Variants in PACS2 observed in about 807,000 individuals in gnomAD.
The protein encoded by PACS2 is PACS1-like protein.
Under a neutral mutation model 113.0 loss-of-function variants are expected in PACS2, and 36 were observed. The ratio of observed to expected loss-of-function variants is 0.32; its 90% confidence interval spans 0.24 to 0.42. The LOEUF (loss-of-function observed/expected upper bound fraction) is 0.42, where lower values mean the gene tolerates loss of function less well. Among genes scored for constraint, PACS2 ranks in the 10% least tolerant of loss-of-function variants. The probability of loss-of-function intolerance (pLI) is 1.00; values close to 1 mark genes in which losing one functional copy is unlikely to be tolerated. For synonymous variants in PACS2, 589 were observed against 536.1 expected (o/e 1.10, Z -1.36); for missense variants, 1,015 against 1,239.5 (o/e 0.82, Z 2.72).
intron 9 of PACS2, among the ~76,000 whole-genome samples, chr14:105,377,299 C>G (rs1453246577): frequency 1.3e-5 from 2 of 152,064 alleles, no homozygotes; most frequent in Admixed American, 6.5e-5. Flanking sequence ...GGGAGTAGAG[C>G]TCCCATGCTG....
intron 2 of PACS2, among the ~76,000 whole-genome samples, chr14:105,350,163 G>T (rs1194771898): frequency 6.6e-6 from 1 of 152,130 alleles, no homozygotes; most frequent in Non-Finnish European, 1.5e-5. Context: ...CTGGCTGCGG[G>T]TCGTCCCTGG....
At chr14:105,320,717 C>G (rs938871399) in intron 1 of PACS2, among the ~76,000 whole-genome samples, 3 of 152,334 alleles carry the variant, frequency 2.0e-5, no homozygotes, top group Non-Finnish European at 2.9e-5. Context: ...TGCTTCCTTT[C>G]TTCTGTAGTC....
chr14:105,302,828 G>A (rs1387568495), intron 1 of PACS2, among the ~76,000 whole-genome samples: 1 of 151,196 alleles, frequency 6.6e-6, no homozygotes, highest in Non-Finnish European at 1.5e-5. Flanking sequence ...TGAGCCACCC[G>A]CCTTGTCTTC....
chr14:105,363,995 C>G (rs1438706342), intron 4 of PACS2, among the ~76,000 whole-genome samples: 3 of 152,152 alleles, frequency 2.0e-5, no homozygotes, highest in East Asian at 3.9e-4. Context: ...TGATTAAGTT[C>G]ACTGTCTTAC....
chr14:105,367,468 G>A, intron 5 of PACS2, 93 bp downstream of exon 5: 1 of 1,317,070 alleles, frequency 7.6e-7, no homozygotes, highest in Non-Finnish European at 1.1e-6. Flanking sequence ...GTCCAGCCTG[G>A]CTTAAGGAGT....
At position 105,323,941 on chromosome 14, in the gene PACS2, C is replaced by T. The variant is rs587709968; in HGVS notation, c.119+8904C>T. 1.4e-4 allele frequency among the ~76,000 whole-genome samples: 21 copies of T among 152,362 alleles called. No individual in the cohort carries two copies. Among genetic ancestry groups the T allele is most frequent in the Admixed American group, 1.0e-3 (16 of 15,312 alleles). On this transcript the variant is annotated intron_variant, in intron 1 of 24. Transcript: ENST00000447393. This position sits in a 1 kb window ranked among gnomAD's most constrained non-coding sequence, Gnocchi z 4.1. ...CGGTGCGTGCACACCGCTCTGTCCGCGCAGGCTGTGCCCTGCTTTCAAGAT... is the reference window on the plus strand; with the variant it reads ...CGGTGCGTGCACACCGCTCTGTCCGTGCAGGCTGTGCCCTGCTTTCAAGAT...
chr14:105,359,827 G>A (rs1162842150), intron 4 of PACS2, among the ~76,000 whole-genome samples: 2 of 152,080 alleles, frequency 1.3e-5, no homozygotes, highest in African/African-American at 4.8e-5. Flanking sequence ...TCCTGACCTC[G>A]CGATCCGCCC....
At chr14:105,350,207 A>G (rs1429630134) in intron 2 of PACS2, among the ~76,000 whole-genome samples, 1 of 152,030 alleles carries the variant, frequency 6.6e-6, no homozygotes, top group Admixed American at 6.5e-5. Flanking sequence ...CATTGCCACC[A>G]GGCCGTGAGG....
intron 2 of PACS2, 27 bp from the exon 3 acceptor site, chr14:105,352,351 G>A (rs782385700): frequency 6.7e-7 from 1 of 1,486,260 alleles, no homozygotes; most frequent in South Asian, 1.1e-5. Context: ...AGTCCTTTGA[G>A]CTAGAACAGG....
chr14:105,368,634 G>A (rs756130055), intron 7 of PACS2, 95 bp downstream of exon 7: 257 of 924,510 alleles, frequency 2.8e-4, no homozygotes, highest in Non-Finnish European at 4.2e-4. Context: ...CGTGGGAAGT[G>A]AGATCTCACC....
intron 20 of PACS2, chr14:105,390,995 G>C (rs374740742): frequency 3.4e-6 from 2 of 596,910 alleles, no homozygotes; most frequent in South Asian, 4.0e-5. Flanking sequence ...CTGAGGCCAC[G>C]CACCCTGAGC....
chr14:105,351,230 C>T (rs782587699), intron 2 of PACS2, among the ~76,000 whole-genome samples: 17 of 152,216 alleles, frequency 1.1e-4, no homozygotes, highest in Non-Finnish European at 2.2e-4. Context: ...TTGGGATGGT[C>T]CCATTTAAAA....
rs916066061 is a variant in PACS2, at chr14:105,382,282, C to T, written c.1414-195C>T. On this transcript the variant is annotated intron_variant, in intron 13 of 24. Coordinates refer to ENST00000447393, the MANE Select transcript of PACS2 (RefSeq NM_001100913.3). ...GGGCAAGTTCTAGTCCTTCTGCTGC[C>T]CTCCCTGGTCCAGGGCAGCCTCATT... Among the ~76,000 whole-genome samples the T allele has an allele frequency of 6.6e-5, 10 of 152,234 alleles. No individual in the cohort carries two copies. In the South Asian group the frequency reaches 1.0e-3, roughly 16 times the overall value.
chr14:105,358,393 A>G lies in PACS2; in HGVS notation c.423+3216A>G, dbSNP rs2060537004. Reference sequence around the variant, plus strand: ...GAGCTGACTGCAGGTGGTCCCTCTCAGAGGCAGCTCCGCAGAGGCAGGTGT... The same window carrying G: ...GAGCTGACTGCAGGTGGTCCCTCTCGGAGGCAGCTCCGCAGAGGCAGGTGT... On this transcript the variant is annotated intron_variant, in intron 4 of 24. Coordinates refer to ENST00000447393, the MANE Select transcript of PACS2 (RefSeq NM_001100913.3). The surrounding 1 kb of genome is among the most constrained non-coding windows in gnomAD (Gnocchi z 4.9). Among the ~76,000 whole-genome samples, 1 of 152,230 alleles carries G rather than the reference A, an allele frequency of 6.6e-6. No homozygotes were observed. The highest frequency in any genetic ancestry group is 1.5e-5 in the Non-Finnish European group (1 of 68,036).
intron 2 of PACS2, among the ~76,000 whole-genome samples, chr14:105,350,587 A>C (rs1260812053): frequency 6.6e-6 from 1 of 151,354 alleles, no homozygotes; most frequent in Admixed American, 6.6e-5. Context: ...CCAGCTCCTC[A>C]TCTGCTTCTC....
rs587767400 is a variant in PACS2 at position 105,391,821 on chromosome 14, C to T, written c.2255+55C>T. On this transcript the variant is annotated intron_variant, in intron 22 of 24. Transcript: ENST00000447393. ...CACTTACCCGCCCCACCACATGCTG[C>T]CTGATTCAGTCATCCTCCCCTATGT... 1.3e-5 allele frequency: 19 copies of T among 1,509,992 alleles called. No homozygotes were observed. In the East Asian group the frequency reaches 1.5e-4, roughly 12 times the overall value. 93.5% of individuals were successfully genotyped at this position (1,509,992 alleles called of 1,614,324 possible).
rs587611456 is a variant in PACS2, at chr14:105,354,957, G to A, written c.298-95G>A. 3.3e-5 allele frequency: 43 copies of A among 1,321,000 alleles called. No homozygotes were observed. In the Admixed American group the frequency reaches 4.8e-4, roughly 15 times the overall value. The allele number at this position is 1,321,000 out of a possible 1,614,324, so 81.8% of individuals were successfully genotyped here. ...GATCTCATGGGCAGCAGGTTGGCCT[G>A]GTCGCAGGCTGCAGGGTGGCTGGGC... On this transcript the variant is annotated intron_variant, in intron 3 of 24. Transcript: ENST00000447393. This position sits in a 1 kb window ranked among gnomAD's most constrained non-coding sequence, Gnocchi z 4.2.
In PACS2 at chr14:105,315,715, C is replaced by CG. The variant is rs2058577067; in HGVS notation, c.119+678_119+679insG. 6.6e-6 allele frequency: 1 copy of CG among 152,286 alleles called. No individual in the cohort carries two copies. The highest frequency in any genetic ancestry group is 6.5e-5 in the Admixed American group (1 of 15,292). The allele number at this position is 152,286 out of a possible 1,614,324, so 9.4% of individuals were successfully genotyped here. A position where few individuals can be genotyped will look rare whatever the true frequency, so the allele number is the denominator to read the frequency against. On this transcript the variant is annotated intron_variant, in intron 1 of 24. Transcript: ENST00000447393. The surrounding 1 kb of genome is among the most constrained non-coding windows in gnomAD (Gnocchi z 4.4). ...GATTGGACAGGGTTTACCCTCCGGC[C>CG]ATAGCCCAGCCTTCCTTGGACTTGC...
chr14:105,391,697 C>T lies in PACS2; in HGVS notation c.2186C>T (p.Pro729Leu), dbSNP rs782023692. Residue 729 changes from proline to leucine, a missense_variant, in exon 22 of 25, where the codon CCT becomes CTT. Transcript: ENST00000447393. ...TCCTCCACCCCGCCGTCCGCATCTC[C>T]TGCGGCCAAGGAGGCCTCACCCACC... ...TLSSTPPSASPAAKEASPTPP... is the reference protein window; with the variant it reads ...TLSSTPPSASLAAKEASPTPP... The T allele has an allele frequency of 1.5e-5, 24 of 1,606,664 alleles. No homozygotes were observed. The highest frequency in any genetic ancestry group is 2.0e-5 in the Non-Finnish European group (23 of 1,177,452).
Sources: allele counts gnomAD v4.1 joint callset (sites outside exome capture counted in the v4.1 genomes callset), GRCh38; gene constraint gnomAD v4.1.1; non-coding constraint Gnocchi (gnomAD v3.1); transcripts MANE v1.5; gene names NCBI Gene and HGNC (gene_info 2026-07-23, HGNC 2026-07-21).